EDAR: variants seen among roughly 807,000 people sequenced by gnomAD.
The protein encoded by EDAR is ectodysplasin A receptor.
A neutral mutation model predicts 51.3 loss-of-function variants in EDAR; 38 were observed. The ratio of observed to expected loss-of-function variants is 0.74; its 90% CI spans 0.57 to 0.97. The LOEUF (loss-of-function observed/expected upper bound fraction) is 0.97. Ranked by LOEUF, EDAR falls within the 50% of genes least tolerant of loss-of-function variation. EDAR has a pLI of 0.00. For missense variants in EDAR, 528 were observed against 595.0 expected (o/e 0.89, Z 1.17); for synonymous variants, 227 against 242.1 (o/e 0.94, Z 0.58).
chr2:108,972,365 G>C (rs959080476), intron 1 of EDAR, among the ~76,000 whole-genome samples: 2 of 152,346 alleles, frequency 1.3e-5, no homozygotes, highest in Middle Eastern at 6.8e-3. Context: ...AACAGGGGCA[G>C]GGCACTGCAT....
chr2:108,938,420 A>AGGAAGCTC (rs1697519121), intron 1 of EDAR, among the ~76,000 whole-genome samples: 1 of 152,232 alleles, frequency 6.6e-6, no homozygotes, highest in Non-Finnish European at 1.5e-5. Flanking sequence ...CCAAAGAGGA[A>AGGAAGCTC]GGAAGCTCTC....
rs1697383642 is a variant in EDAR at position 108,932,459 on chromosome 2, G to T, written c.-18-1427C>A. Among the ~76,000 whole-genome samples, 6 of 150,550 alleles carry T rather than the reference G, an allele frequency of 4.0e-5. 1 individual carries two copies. The highest frequency in any genetic ancestry group is 3.3e-4 in the Admixed American group (5 of 15,116). ...CAGGAGAATGGCATGAACCCGGGAG[G>T]CGGAGCTTGCAGTGAGCCGAGATTG... On this transcript the variant is annotated intron_variant, in intron 1 of 11. Coordinates refer to ENST00000258443, the MANE Select transcript of EDAR (RefSeq NM_022336.4).
chr2:108,986,050 G>A (rs534519588), intron 1 of EDAR, among the ~76,000 whole-genome samples: 2 of 152,228 alleles, frequency 1.3e-5, no homozygotes, highest in Non-Finnish European at 2.9e-5. Flanking sequence ...CTATCCTTGG[G>A]TAATGCTTTG....
chr2:108,978,036 G>T (rs1370079089), intron 1 of EDAR, among the ~76,000 whole-genome samples: 3 of 152,202 alleles, frequency 2.0e-5, no homozygotes, highest in Non-Finnish European at 2.9e-5. Flanking sequence ...ACAGGGCTGC[G>T]GTTCAAAGTC....
intron 4 of EDAR, among the ~76,000 whole-genome samples, chr2:108,924,037 A>T (rs1697203109): frequency 6.6e-6 from 1 of 152,244 alleles, no homozygotes; most frequent in Non-Finnish European, 1.5e-5. Flanking sequence ...TGGCAACACA[A>T]CCAGGTTGTA....
At position 108,897,176 on chromosome 2, in the gene EDAR, G is replaced by C; in HGVS notation, c.1078C>G (p.Leu360Val). 6.2e-7 allele frequency: 1 copy of C among 1,613,852 alleles called. No homozygotes were observed. Among genetic ancestry groups the C allele is most frequent in the Non-Finnish European group, 8.5e-7 (1 of 1,180,038 alleles). Residue 360 changes from leucine (L) to valine (V), a missense_variant, in exon 12 of 12, where the codon CTC becomes GTC. Physicochemically the swap from Leu to Val is conservative, Grantham distance 32. Transcript: ENST00000258443. ...FDCLEKTSRM[L>V]SSTYNSEKAV... ...TTCTCAGAGTTGTACGTGGAGCTGA[G>C]CATTCGGCTAGTCTTCTCGAGGCAA... is the stretch of plus-strand genomic sequence containing the variant.
intron 1 of EDAR, among the ~76,000 whole-genome samples, chr2:108,944,145 G>A (rs926948125): frequency 1.3e-5 from 2 of 152,066 alleles, no homozygotes; most frequent in South Asian, 2.1e-4. Flanking sequence ...ACAGAGTCTC[G>A]CTCTGTCAGC....
intron 11 of EDAR, among the ~76,000 whole-genome samples, chr2:108,904,036 T>C (rs2105384844): frequency 1.3e-5 from 2 of 152,230 alleles, no homozygotes; most frequent in Non-Finnish European, 2.9e-5. Flanking sequence ...AACTATAGAA[T>C]GGAGAAAACA....
intron 1 of EDAR, among the ~76,000 whole-genome samples, chr2:108,987,032 G>A (rs1003338243): frequency 1.3e-5 from 2 of 152,212 alleles, no homozygotes; most frequent in African/African-American, 4.8e-5. Context: ...CATGCAGGCA[G>A]TCACTAGGCA....
intron 11 of EDAR, among the ~76,000 whole-genome samples, chr2:108,902,323 C>T (rs1425938596): frequency 1.3e-5 from 2 of 152,026 alleles, no homozygotes; most frequent in African/African-American, 4.8e-5. Context: ...TTGCAGTGAG[C>T]GAGGATTGTG....
chr2:108,960,152 C>A (rs930494292), intron 1 of EDAR, among the ~76,000 whole-genome samples: 1 of 152,190 alleles, frequency 6.6e-6, no homozygotes, highest in Non-Finnish European at 1.5e-5. Context: ...GGGTGGGGAT[C>A]CCAGCCCTGG....
At chr2:108,915,860 G>A (rs1697017534) in intron 5 of EDAR, among the ~76,000 whole-genome samples, 2 of 151,950 alleles carry the variant, frequency 1.3e-5, no homozygotes, top group African/African-American at 4.8e-5. Context: ...CCACGCCATT[G>A]CACTCCATGC....
intron 9 of EDAR, 69 bp downstream of exon 9, chr2:108,910,391 C>A (rs1574371508): frequency 3.0e-6 from 4 of 1,323,262 alleles, no homozygotes; most frequent in Non-Finnish European, 4.3e-6. Flanking sequence ...CGGCTGCACC[C>A]TGGTTCCCCT....
intron 1 of EDAR, among the ~76,000 whole-genome samples, chr2:108,968,226 C>T (rs1211652917): frequency 6.6e-6 from 1 of 152,094 alleles, no homozygotes; most frequent in African/African-American, 2.4e-5. Flanking sequence ...CGCCAGAGAG[C>T]CTGTTGGAAA....
At chr2:108,965,464 C>CA (rs71383817) in intron 1 of EDAR, among the ~76,000 whole-genome samples, 46,494 of 137,310 alleles carry the variant, frequency 0.34, 11,715 homozygotes, top group East Asian at 0.91. Flanking sequence ...GATTTCGTCT[C>CA]AAAAAAAAAA....
intron 5 of EDAR, among the ~76,000 whole-genome samples, chr2:108,916,796 A>C (rs1333899274): frequency 1.3e-5 from 2 of 152,098 alleles, no homozygotes; most frequent in African/African-American, 4.8e-5. Flanking sequence ...GAAAGCCAGC[A>C]CCCAATCAGC....
intron 1 of EDAR, among the ~76,000 whole-genome samples, chr2:108,939,221 A>T (rs1326174873): frequency 6.6e-6 from 1 of 151,970 alleles, no homozygotes; most frequent in Non-Finnish European, 1.5e-5. Context: ...TCTGTCACCC[A>T]GGCTACAGTG....
At chr2:108,980,014 C>T (rs142679316) in intron 1 of EDAR, among the ~76,000 whole-genome samples, 3 of 151,022 alleles carry the variant, frequency 2.0e-5, no homozygotes, top group South Asian at 2.1e-4. Flanking sequence ...GATGCATTCA[C>T]CTCTCAAGCT....
intron 1 of EDAR, among the ~76,000 whole-genome samples, chr2:108,984,560 C>T (rs260677): frequency 0.94 from 143,009 of 152,100 alleles, 67,843 homozygotes; most frequent in East Asian, 1. Context: ...CACCCCAGGG[C>T]CTCCTTTCTT....
Sources: allele counts gnomAD v4.1 joint callset (sites outside exome capture counted in the v4.1 genomes callset), GRCh38; gene constraint gnomAD v4.1.1; transcripts MANE v1.5; gene names NCBI Gene and HGNC (gene_info 2026-07-23, HGNC 2026-07-21).